INPP4B: variants seen among roughly 807,000 people sequenced by gnomAD.
The protein encoded by INPP4B is inositol polyphosphate 4-phosphatase type II.
Under a neutral mutation model 122.5 loss-of-function variants are expected in INPP4B, and 55 were observed. The ratio of observed to expected loss-of-function variants is 0.45; its 90% CI spans 0.36 to 0.56. The LOEUF is 0.56. INPP4B is among the 20% of genes least tolerant of loss of function. The pLI is 0.00. For synonymous variants in INPP4B, 403 were observed against 388.7 expected (o/e 1.04, Z -0.43); for missense variants, 1,000 against 1,097.7 (o/e 0.91, Z 1.26).
intron 1 of INPP4B, among the ~76,000 whole-genome samples, chr4:142,843,476 C>A (rs1214070380): frequency 6.6e-6 from 1 of 151,872 alleles, no homozygotes; most frequent in Non-Finnish European, 1.5e-5. Context: ...AAGAGACTCA[C>A]ACAGCTTTCA....
chr4:142,830,358 T>C (rs1393030822), intron 1 of INPP4B, among the ~76,000 whole-genome samples: 1 of 152,132 alleles, frequency 6.6e-6, no homozygotes, highest in Non-Finnish European at 1.5e-5. Flanking sequence ...TCTCTCTCTT[T>C]TAGTGACCTT....
At chr4:142,253,075 A>G (rs1303901155) in intron 11 of INPP4B, among the ~76,000 whole-genome samples, 2 of 152,216 alleles carry the variant, frequency 1.3e-5, no homozygotes, top group African/African-American at 4.8e-5. Context: ...CACAATGGTA[A>G]GTATTTATGT....
At chr4:142,443,527 C>T (rs1186422760) in intron 3 of INPP4B, among the ~76,000 whole-genome samples, 4 of 152,154 alleles carry the variant, frequency 2.6e-5, no homozygotes, top group East Asian at 1.9e-4. Flanking sequence ...ATAGAGTGAT[C>T]GGATCACTGA....
intron 2 of INPP4B, among the ~76,000 whole-genome samples, chr4:142,481,869 A>T (rs1473929542): frequency 6.6e-6 from 1 of 152,180 alleles, no homozygotes; most frequent in Non-Finnish European, 1.5e-5. Context: ...AGTGTTAATA[A>T]GGAACTGGAC....
At chr4:142,548,798 T>A (rs1432653995) in intron 2 of INPP4B, among the ~76,000 whole-genome samples, 1 of 151,940 alleles carries the variant, frequency 6.6e-6, no homozygotes, top group East Asian at 1.9e-4. Context: ...TATATTAATT[T>A]AACGTTTTGA....
chr4:142,792,372 G>C (rs56254574), intron 1 of INPP4B, among the ~76,000 whole-genome samples: 1,632 of 152,008 alleles, frequency 0.011, 29 homozygotes, highest in African/African-American at 0.038. Flanking sequence ...ATATTTCTCA[G>C]TGAATATTAA....
intron 9 of INPP4B, among the ~76,000 whole-genome samples, chr4:142,285,344 G>GA (rs1290701290): frequency 6.6e-6 from 1 of 151,852 alleles, no homozygotes; most frequent in Non-Finnish European, 1.5e-5. Flanking sequence ...AAATTTTCAT[G>GA]AAATAAGGGG....
chr4:142,374,702 T>C (rs1791193888), intron 7 of INPP4B, among the ~76,000 whole-genome samples: 1 of 151,910 alleles, frequency 6.6e-6, no homozygotes, highest in Non-Finnish European at 1.5e-5. Flanking sequence ...GAAGTCACAT[T>C]ACTGGTGATC....
intron 1 of INPP4B, among the ~76,000 whole-genome samples, chr4:142,750,322 GA>G (rs1206186568): frequency 1.3e-5 from 2 of 151,940 alleles, no homozygotes; most frequent in South Asian, 2.1e-4. Flanking sequence ...GAAAAATACA[GA>G]AAAAACTTCA....
chr4:142,443,361 A>C (rs1167022808), intron 3 of INPP4B, among the ~76,000 whole-genome samples: 1 of 152,166 alleles, frequency 6.6e-6, no homozygotes, highest in Non-Finnish European at 1.5e-5. Context: ...CAGTAATTGC[A>C]GGAAAAGTAC....
chr4:142,470,618 C>T (rs1818643756), intron 2 of INPP4B, among the ~76,000 whole-genome samples: 4 of 152,144 alleles, frequency 2.6e-5, no homozygotes, highest in South Asian at 2.1e-4. Context: ...TTTAGACAAA[C>T]GACTGTCAAA....
intron 23 of INPP4B, among the ~76,000 whole-genome samples, chr4:142,093,612 G>T (rs1780534911): frequency 6.6e-6 from 1 of 152,074 alleles, no homozygotes; most frequent in South Asian, 2.1e-4. Flanking sequence ...AACTGTACTA[G>T]CAAGCAGACA....
At chr4:142,686,911 A>C (rs902265990) in intron 2 of INPP4B, among the ~76,000 whole-genome samples, 1 of 152,084 alleles carries the variant, frequency 6.6e-6, no homozygotes, top group Non-Finnish European at 1.5e-5. Context: ...ATTTCACTGG[A>C]GATAGGGGAT....
In INPP4B at chr4:142,559,881, GTTAC is replaced by G. The variant is rs201000617; in HGVS notation, c.-190-97159_-190-97156del. Among the ~76,000 whole-genome samples the G allele has an allele frequency of 6.5e-3, 967 of 148,804 alleles. 24 individuals carry two copies. The highest frequency in any genetic ancestry group is 0.033 in the Admixed American group (495 of 14,810). ...ATTATTATGTTGAAAAAAAGTTTCA[GTTAC>G]TTATTTACATTTCACTCATGAAATA... On this transcript the variant is annotated intron_variant, in intron 2 of 25. Transcript: ENST00000262992.
At chr4:142,661,954 C>T (rs1231700054) in intron 2 of INPP4B, among the ~76,000 whole-genome samples, 1 of 151,710 alleles carries the variant, frequency 6.6e-6, no homozygotes, top group Non-Finnish European at 1.5e-5. Context: ...GAGAGGTTGG[C>T]CGGGCACGGT....
intron 2 of INPP4B, among the ~76,000 whole-genome samples, chr4:142,613,522 T>A (rs1445754905): frequency 6.6e-6 from 1 of 152,210 alleles, no homozygotes; most frequent in Admixed American, 6.5e-5. Context: ...ACTCTCAGTG[T>A]GTAGCTATGG....
At chr4:142,584,966 C>G (rs1250372582) in intron 2 of INPP4B, among the ~76,000 whole-genome samples, 1 of 152,150 alleles carries the variant, frequency 6.6e-6, no homozygotes, top group Non-Finnish European at 1.5e-5. Flanking sequence ...AAGCCAATTA[C>G]TTCATTTTGT....
chr4:142,700,108 TC>T (rs2150753603), intron 2 of INPP4B, among the ~76,000 whole-genome samples: 1 of 152,282 alleles, frequency 6.6e-6, no homozygotes, highest in Admixed American at 6.5e-5. Flanking sequence ...TTTCAAATTT[TC>T]TTCTCCAATC....
In INPP4B at chr4:142,806,761, AAAG is replaced by A. The variant is rs767297292; in HGVS notation, c.-254+39445_-254+39447del. Among the ~76,000 whole-genome samples the A allele has an allele frequency of 9.6e-3, 1,166 of 121,186 alleles. 21 individuals are homozygous for A. The highest frequency in any genetic ancestry group is 0.02 in the East Asian group (94 of 4,644). 79.5% of individuals were successfully genotyped at this position (121,186 alleles called of 152,430 possible). On this transcript the variant is annotated intron_variant, in intron 1 of 25. Transcript: ENST00000262992. ...CCTGTTAAAAAAAAAGAAGAAGAAG[AAAG>A]AAGAAAGAAAGAAAGAAAGAAGGAA...
Sources: allele counts gnomAD v4.1 joint callset (sites outside exome capture counted in the v4.1 genomes callset), GRCh38; gene constraint gnomAD v4.1.1; transcripts MANE v1.5; gene names NCBI Gene and HGNC (gene_info 2026-07-23, HGNC 2026-07-21).